The following NCAPD2 variants were observed in gnomAD, a reference collection of about 807,000 sequenced individuals.
NCAPD2 encodes condensin complex subunit 1.
A neutral mutation model predicts 164.5 loss-of-function variants in NCAPD2; 100 were observed. The observed-to-expected ratio is 0.61, with a 90% CI of 0.52 to 0.72. The LOEUF is 0.72. NCAPD2 is among the 30% of genes least tolerant of loss of function. The probability of loss-of-function intolerance (pLI) is 0.00; values close to 1 mark genes in which losing one functional copy is unlikely to be tolerated. For missense variants in NCAPD2, 1,560 were observed against 1,749.2 expected (o/e 0.89, Z 1.93); for synonymous variants, 585 against 642.6 (o/e 0.91, Z 1.36).
rs75340954 is a variant in NCAPD2, at chr12:6,506,092, A to G, written c.128-3625A>G. The stretch of plus-strand genomic sequence containing the variant: ...TCCCGCCTCAGCCTCCAGAACAGCT[A>G]GGACTACAGGTGCACCCCACTGTGC... On this transcript the variant is annotated intron_variant, in intron 2 of 31. Coordinates refer to ENST00000315579, the MANE Select transcript of NCAPD2 (RefSeq NM_014865.4). Among the ~76,000 whole-genome samples, 12 of 151,946 alleles carry G rather than the reference A, an allele frequency of 7.9e-5. No individual in the cohort carries two copies. In the East Asian group the frequency reaches 1.7e-3, roughly 22 times the overall value.
Position 6,510,124 on chromosome 12 carries a change from C to T in NCAPD2, c.253C>T (p.Leu85=). The change falls in exon 4 of 32, where the codon CTG becomes TTG. Residue 85 remains leucine (L), a synonymous_variant. Transcript: ENST00000315579. ...CCTCAAAGAAGATACTCTGCAATTCCTGATAAAAGGTGTTTATGGGTCAGG... is the reference window on the plus strand; with the variant it reads ...CCTCAAAGAAGATACTCTGCAATTCTTGATAAAAGGTGTTTATGGGTCAGG... ...PGLKEDTLQF[L]IKVVSRHSQE... 6.2e-7 allele frequency: 1 copy of T among 1,610,020 alleles called. No individual in the cohort carries two copies. Among genetic ancestry groups the T allele is most frequent in the Non-Finnish European group, 8.5e-7 (1 of 1,176,268 alleles).
At position 6,511,250 on chromosome 12, in the gene NCAPD2, C is replaced by T. The variant is rs1353573420; in HGVS notation, c.585C>T (p.Val195=). The T allele has an allele frequency of 6.2e-7, 1 of 1,614,034 alleles. No homozygotes were observed. The highest frequency in any genetic ancestry group is 8.5e-7 in the Non-Finnish European group (1 of 1,179,978). ...WNHSIIEEEF[V]SLVTGCCYRL... is the part of the protein sequence containing the mutation. ...ACTCAATAATTGAAGAAGAATTTGT[C>T]AGGTGGGTAGGGAGGATGGCTACAG... The change falls in exon 6 of 32, where the codon GTC becomes GTT. Residue 195 remains valine (V), a splice_region_variant and synonymous_variant. Coordinates refer to ENST00000315579, the MANE Select transcript of NCAPD2 (RefSeq NM_014865.4).
rs933073123 is a variant in NCAPD2, at chr12:6,531,146, G to A, written c.4120+70G>A. ...GGGTGCAGAGGGCTGGTTTCCATAGGACCTGCTGCGGGGGCCTGAGTGTAG... is the reference window on the plus strand; with the variant it reads ...GGGTGCAGAGGGCTGGTTTCCATAGAACCTGCTGCGGGGGCCTGAGTGTAG... On this transcript the variant is annotated intron_variant, in intron 31 of 31. Transcript: ENST00000315579. The surrounding 1 kb of genome is among the most constrained non-coding windows in gnomAD (Gnocchi z 4.1). 4 of 1,589,846 alleles carry A rather than the reference G, an allele frequency of 2.5e-6. No individual in the cohort carries two copies.
At chr12:6,500,077 C>G (rs1946021175) in intron 2 of NCAPD2, among the ~76,000 whole-genome samples, 1 of 152,026 alleles carries the variant, frequency 6.6e-6, no homozygotes, top group South Asian at 2.1e-4. Context: ...GAGCCATGAT[C>G]ATGCCACTGC....
In NCAPD2 at chr12:6,528,235, C is replaced by G. The variant is rs772391132; in HGVS notation, c.3206C>G (p.Pro1069Arg). 1.2e-6 allele frequency: 2 copies of G among 1,614,152 alleles called. No homozygotes were observed. Among genetic ancestry groups the G allele is most frequent in the Admixed American group, 1.7e-5 (1 of 60,030 alleles). The change falls in exon 25 of 32, where the codon CCC (proline) becomes CGC (arginine). Residue 1069 changes from proline to arginine, a missense_variant. Transcript: ENST00000315579. This position sits in a 1 kb window ranked among gnomAD's most constrained non-coding sequence, Gnocchi z 5.1. ...LFTMLEKSPL[P>R]IVRSNLMVAT... ...ACCATGCTGGAAAAGTCTCCACTTC[C>G]CATTGTCCGGTCTAACCTCATGGTT...
At chr12:6,530,879 T>G in intron 30 of NCAPD2, 42 bp from the exon 31 acceptor site, 1 of 1,613,024 alleles carries the variant, frequency 6.2e-7, no homozygotes, top group African/African-American at 1.3e-5. Context: ...CAGTGATTTG[T>G]TTCTTCTTCT....
chr12:6,521,101 A>C lies in NCAPD2; in HGVS notation c.1705A>C (p.Ile569Leu). The C allele has an allele frequency of 1.2e-6, 2 of 1,613,890 alleles. No individual in the cohort carries two copies. The highest frequency in any genetic ancestry group is 1.7e-6 in the Non-Finnish European group (2 of 1,179,886). ...ETRLLNILGL[I>L]FKGPAASTQE... ...CAGGCTCTTGAATATCTTAGGACTTATCTTCAAAGGTAATCATTTTCCTTC... is the reference window on the plus strand; with the variant it reads ...CAGGCTCTTGAATATCTTAGGACTTCTCTTCAAAGGTAATCATTTTCCTTC... Residue 569 changes from isoleucine (I) to leucine (L), a missense_variant, in exon 14 of 32, where the codon ATC becomes CTC. By Grantham distance (5) the Ile-to-Leu change is conservative. Transcript: ENST00000315579.
Position 6,528,499 on chromosome 12 carries a change from C to A in NCAPD2, c.3299+171C>A. 1.8e-6 allele frequency: 2 copies of A among 1,132,044 alleles called. No homozygotes were observed. Among genetic ancestry groups the A allele is most frequent in the Non-Finnish European group, 2.5e-6 (2 of 796,540 alleles). 70.1% of individuals were successfully genotyped at this position (1,132,044 alleles called of 1,614,324 possible). On this transcript the variant is annotated intron_variant, in intron 25 of 31. Transcript: ENST00000315579. The surrounding 1 kb of genome is among the most constrained non-coding windows in gnomAD (Gnocchi z 5.1). ...CTAAGAGTCACCCCAGTGGGACTGACACTTCTGGTTAGAAGCTTCACCTCT... is the reference window on the plus strand; with the variant it reads ...CTAAGAGTCACCCCAGTGGGACTGAAACTTCTGGTTAGAAGCTTCACCTCT...
intron 2 of NCAPD2, among the ~76,000 whole-genome samples, chr12:6,509,426 C>A (rs1433136398): frequency 2.6e-5 from 4 of 151,886 alleles, no homozygotes; most frequent in Non-Finnish European, 5.9e-5. Context: ...CACACCCAGC[C>A]AATTTTTTGT....
At chr12:6,496,059 C>CTTTTTTTTTTTTT (rs11423649) in intron 2 of NCAPD2, among the ~76,000 whole-genome samples, 1 of 136,596 alleles carries the variant, frequency 7.3e-6, no homozygotes. Context: ...TTTTGTTTTT[C>CTTTTTTTTTTTTT]TTTTTTTTTT....
At chr12:6,513,810 G>A (rs942270778) in intron 6 of NCAPD2, among the ~76,000 whole-genome samples, 3 of 145,288 alleles carry the variant, frequency 2.1e-5, no homozygotes, top group Non-Finnish European at 4.5e-5. Flanking sequence ...CCACCTCCCA[G>A]GTTCAAGGGA....
Position 6,526,128 on chromosome 12 carries a change from G to A in NCAPD2, c.2409G>A (p.Glu803=). 6.2e-7 allele frequency: 1 copy of A among 1,614,138 alleles called. No homozygotes were observed. Among genetic ancestry groups the A allele is most frequent in the Non-Finnish European group, 8.5e-7 (1 of 1,180,038 alleles). ...LDTLVSIGLD[E]KFPQDYRLAQ... ...CACTGGTGAGCATAGGGCTGGATGAGAAGTTTCCACAGGACTACAGGCTGG... is the reference window on the plus strand; with the variant it reads ...CACTGGTGAGCATAGGGCTGGATGAAAAGTTTCCACAGGACTACAGGCTGG... Residue 803 remains glutamate (E), a synonymous_variant, in exon 19 of 32, where the codon GAG becomes GAA. Transcript: ENST00000315579.
chr12:6,529,599 C>T lies in NCAPD2; in HGVS notation c.3653+6C>T. On this transcript the variant is annotated splice_donor_region_variant and intron_variant, in intron 28 of 31. Transcript: ENST00000315579. ...CAGCGGTTCCGCACATCCCGGTATG[C>T]TGCCCTCCCTGAGGGTTCTTTGTGC... 1 of 1,614,072 alleles carries T rather than the reference C, an allele frequency of 6.2e-7. No homozygotes were observed. Among genetic ancestry groups the T allele is most frequent in the Non-Finnish European group, 8.5e-7 (1 of 1,179,898 alleles).
In NCAPD2 at chr12:6,509,281, G is replaced by C. The variant is rs550235004; in HGVS notation, c.128-436G>C. Among the ~76,000 whole-genome samples, 4 of 152,024 alleles carry C rather than the reference G, an allele frequency of 2.6e-5. No individual in the cohort carries two copies. The South Asian group carries it at 8.3e-4, about 32-fold the overall frequency. ...TTTATTTTATTTTTTTTTGAGATGA[G>C]ACGGAGTTTTGCTCTTGTTGCCCAG... is the stretch of plus-strand genomic sequence containing the variant. On this transcript the variant is annotated intron_variant, in intron 2 of 31. Transcript: ENST00000315579.
At chr12:6,516,162 C>T (rs1414245550) in intron 9 of NCAPD2, among the ~76,000 whole-genome samples, 1 of 150,534 alleles carries the variant, frequency 6.6e-6, no homozygotes, top group Non-Finnish European at 1.5e-5. Context: ...CACCACTGCA[C>T]TCCAACCTGG....
chr12:6,519,429 G>T (rs12313186), intron 13 of NCAPD2, among the ~76,000 whole-genome samples: 1 of 152,120 alleles, frequency 6.6e-6, no homozygotes, highest in Non-Finnish European at 1.5e-5. Context: ...GCTCACTGCA[G>T]CCTCTCACTG....
rs10849484 is a variant in NCAPD2 at position 6,528,775 on chromosome 12, C to T, written c.3396C>T (p.Ser1132=). 0.22 allele frequency: 363,012 copies of T among 1,613,880 alleles called. 44,191 individuals are homozygous for T. Among genetic ancestry groups the T allele is most frequent in the Non-Finnish European group, 0.25 (296,566 of 1,179,902 alleles). The change falls in exon 26 of 32, where the codon AGC becomes AGT. Residue 1132 remains serine (S), a synonymous_variant. Transcript: ENST00000315579. The surrounding 1 kb of genome is among the most constrained non-coding windows in gnomAD (Gnocchi z 5.1). ...KDMVKVKGQV[S]EMAVLLIDPE... The stretch of plus-strand genomic sequence containing the variant: ...TGGTGAAGGTGAAGGGGCAGGTCAG[C>T]GAGATGGCGGTGCTGCTCATCGACC...
rs779146378 is a variant in NCAPD2 at position 6,530,698 on chromosome 12, T to G, written c.3845T>G (p.Ile1282Arg). The change falls in exon 30 of 32, where the codon ATA (isoleucine) becomes AGA (arginine). Residue 1282 changes from isoleucine to arginine, a missense_variant. By Grantham distance (97) the Ile-to-Arg change is moderately conservative. Coordinates refer to ENST00000315579, the MANE Select transcript of NCAPD2 (RefSeq NM_014865.4). The stretch of plus-strand genomic sequence containing the variant: ...CTCCTTTTCTCCCTCCAGGCTATAA[T>G]AGATGAATTTGAGCAGAAGCTTCGG... ...RGAKPEGKAI[I>R]DEFEQKLRAC... The G allele has an allele frequency of 6.2e-7, 1 of 1,613,988 alleles. No homozygotes were observed. Among genetic ancestry groups the G allele is most frequent in the Non-Finnish European group, 8.5e-7 (1 of 1,180,022 alleles).
chr12:6,507,854 A>G (rs1946111572), intron 2 of NCAPD2, among the ~76,000 whole-genome samples: 1 of 152,126 alleles, frequency 6.6e-6, no homozygotes, highest in South Asian at 2.1e-4. Flanking sequence ...AAAAAGAGAA[A>G]AAGGAAAAAA....
Sources: allele counts gnomAD v4.1 joint callset (sites outside exome capture counted in the v4.1 genomes callset), GRCh38; gene constraint gnomAD v4.1.1; non-coding constraint Gnocchi (gnomAD v3.1); transcripts MANE v1.5; gene names NCBI Gene and HGNC (gene_info 2026-07-23, HGNC 2026-07-21).